The following IGSF21 variants were observed in gnomAD, a reference collection of about 807,000 sequenced individuals.
IGSF21 encodes the protein immunoglobin superfamily member 21.
Under a neutral mutation model 46.8 loss-of-function variants are expected in IGSF21, and 28 were observed. That is an observed-to-expected ratio of 0.60 (90% CI 0.44 to 0.82). IGSF21 has a LOEUF of 0.82. Among genes scored for constraint, IGSF21 ranks in the 40% least tolerant of loss-of-function variants. IGSF21 has a pLI of 0.00. For missense variants in IGSF21, 624 were observed against 665.5 expected (o/e 0.94, Z 0.69); for synonymous variants, 284 against 273.6 (o/e 1.04, Z -0.38).
At chr1:18,195,946 G>T (rs1214893094) in intron 1 of IGSF21, among the ~76,000 whole-genome samples, 4 of 152,248 alleles carry the variant, frequency 2.6e-5, no homozygotes, top group Non-Finnish European at 5.9e-5. Flanking sequence ...GCAGCAGCCA[G>T]CGCAAGTGGC....
chr1:18,373,276 G>A (rs539400875), intron 6 of IGSF21, among the ~76,000 whole-genome samples: 4 of 152,298 alleles, frequency 2.6e-5, no homozygotes, highest in East Asian at 1.9e-4. Context: ...CTTTCTCTAC[G>A]TCCAGGGCTT....
intron 2 of IGSF21, among the ~76,000 whole-genome samples, chr1:18,273,508 CTTTCTTTCT>C (rs2085071170): frequency 7.8e-5 from 5 of 64,360 alleles, no homozygotes; most frequent in African/African-American, 2.8e-4. Context: ...TTCTTTCTTT[CTTTCTTTCT>C]TTCGTCTTTC....
At chr1:18,145,417 T>G (rs763364924) in intron 1 of IGSF21, among the ~76,000 whole-genome samples, 2 of 151,856 alleles carry the variant, frequency 1.3e-5, no homozygotes, top group African/African-American at 4.8e-5. Flanking sequence ...ATGTGAAAAC[T>G]CCGCTGTAAA....
At position 18,225,062 on chromosome 1, in the gene IGSF21, A is replaced by ATCTCTCTCTC. The variant is rs111721151; in HGVS notation, c.71-2821_71-2812dup. Among the ~76,000 whole-genome samples, 34 of 63,780 alleles carry ATCTCTCTCTC rather than the reference A, an allele frequency of 5.3e-4. 3 individuals carry two copies. Among genetic ancestry groups the ATCTCTCTCTC allele is most frequent in the East Asian group, 2.1e-3 (4 of 1,920 alleles). 41.8% of individuals were successfully genotyped at this position (63,780 alleles called of 152,430 possible). A position where few individuals can be genotyped will look rare whatever the true frequency, so the allele number is the denominator to read the frequency against. On this transcript the variant is annotated intron_variant, in intron 1 of 9. Transcript: ENST00000251296. ...CCTGGATGACAGAGTGAGACTCTGTATCTCTCTCTCTCTCTCTCTCTCTCA... is the reference window on the plus strand; with the variant it reads ...CCTGGATGACAGAGTGAGACTCTGTATCTCTCTCTCTCTCTCTCTCTCTCTCTCTCTCTCA...
At chr1:18,355,044 G>A (rs896460445) in intron 4 of IGSF21, among the ~76,000 whole-genome samples, 1 of 152,184 alleles carries the variant, frequency 6.6e-6, no homozygotes, top group Admixed American at 6.5e-5. Context: ...ATGACCACAG[G>A]CATCAACTGA....
At chr1:18,249,617 G>A (rs2084817731) in intron 2 of IGSF21, among the ~76,000 whole-genome samples, 1 of 152,190 alleles carries the variant, frequency 6.6e-6, no homozygotes, top group African/African-American at 2.4e-5. Flanking sequence ...TGCCCCCGTG[G>A]TGTCTCTCAC....
At chr1:18,285,489 C>G (rs2085203952) in intron 2 of IGSF21, among the ~76,000 whole-genome samples, 1 of 152,158 alleles carries the variant, frequency 6.6e-6, no homozygotes, top group African/African-American at 2.4e-5. Flanking sequence ...AGAATCAGAA[C>G]ACTGCGGGCA....
chr1:18,334,420 C>T lies in IGSF21; in HGVS notation c.306-472C>T, dbSNP rs1201285002. On this transcript the variant is annotated intron_variant, in intron 3 of 9. Transcript: ENST00000251296. This position sits in a 1 kb window ranked among gnomAD's most constrained non-coding sequence, Gnocchi z 4.3. Reference sequence around the variant, plus strand: ...ACTGGTTCTTATTAGCAATTGAGTTCCGTCCTGAGCCTCAGTTTCCTTGTT... The same window carrying T: ...ACTGGTTCTTATTAGCAATTGAGTTTCGTCCTGAGCCTCAGTTTCCTTGTT... Among the ~76,000 whole-genome samples, 1 of 152,182 alleles carries T rather than the reference C, an allele frequency of 6.6e-6. No homozygotes were observed. The highest frequency in any genetic ancestry group is 1.5e-5 in the Non-Finnish European group (1 of 68,034).
chr1:18,228,597 A>T (rs933324685), intron 2 of IGSF21, among the ~76,000 whole-genome samples: 1 of 152,114 alleles, frequency 6.6e-6, no homozygotes, highest in South Asian at 2.1e-4. Flanking sequence ...CTTTTCAACC[A>T]CTGAGTGAAA....
chr1:18,325,048 G>A (rs1389399332), intron 3 of IGSF21, among the ~76,000 whole-genome samples: 3 of 152,220 alleles, frequency 2.0e-5, no homozygotes, highest in Non-Finnish European at 4.4e-5. Context: ...GGCTGAGCTC[G>A]AGTGTAGACC....
chr1:18,287,604 TGC>T (rs2085227440), intron 2 of IGSF21, among the ~76,000 whole-genome samples: 1 of 152,202 alleles, frequency 6.6e-6, no homozygotes, highest in Non-Finnish European at 1.5e-5. Flanking sequence ...TTACCTTGTC[TGC>T]CTTGTCACCT....
At chr1:18,370,623 T>C (rs2086215250) in intron 6 of IGSF21, among the ~76,000 whole-genome samples, 1 of 152,118 alleles carries the variant, frequency 6.6e-6, no homozygotes, top group African/African-American at 2.4e-5. Flanking sequence ...TAATCAAAAA[T>C]TAAATCTTCT....
intron 1 of IGSF21, chr1:18,176,138 G>A (rs1570303203): frequency 6.6e-6 from 1 of 152,214 alleles, no homozygotes; most frequent in Admixed American, 6.5e-5. Flanking sequence ...GCCTGGTTGG[G>A]AATCAGGCTT....
chr1:18,305,728 G>A (rs532400940), intron 3 of IGSF21, among the ~76,000 whole-genome samples: 24 of 152,328 alleles, frequency 1.6e-4, no homozygotes, highest in African/African-American at 5.8e-4. Flanking sequence ...ATAAAAGTTG[G>A]TGGACCATTG....
chr1:18,184,361 A>G (rs372061887), intron 1 of IGSF21, among the ~76,000 whole-genome samples: 61 of 148,252 alleles, frequency 4.1e-4, no homozygotes, highest in African/African-American at 1.5e-3. Flanking sequence ...CAGGGCCTCC[A>G]CTCTCTTCAA....
At chr1:18,363,145 G>A (rs780934533) in intron 5 of IGSF21, among the ~76,000 whole-genome samples, 18 of 152,216 alleles carry the variant, frequency 1.2e-4, no homozygotes, top group Non-Finnish European at 2.5e-4. Context: ...AAACCCATTT[G>A]GAGAAAGTTT....
intron 1 of IGSF21, among the ~76,000 whole-genome samples, chr1:18,225,857 G>A (rs186611811): frequency 1.4e-3 from 208 of 152,332 alleles, no homozygotes; most frequent in African/African-American, 4.8e-3. Context: ...CTGTAATAGC[G>A]TGGTGGTTGT....
intron 1 of IGSF21, among the ~76,000 whole-genome samples, chr1:18,150,378 T>C (rs567359501): frequency 6.6e-5 from 10 of 151,526 alleles, no homozygotes; most frequent in African/African-American, 2.4e-4. Flanking sequence ...GACAGTTCAC[T>C]TGTAACAAGG....
intron 1 of IGSF21, among the ~76,000 whole-genome samples, chr1:18,193,942 C>G (rs2086982878): frequency 6.6e-6 from 1 of 152,186 alleles, no homozygotes; most frequent in South Asian, 2.1e-4. Flanking sequence ...TGCTGCCACA[C>G]TTGAGGACAT....
Sources: allele counts gnomAD v4.1 joint callset (sites outside exome capture counted in the v4.1 genomes callset), GRCh38; gene constraint gnomAD v4.1.1; non-coding constraint Gnocchi (gnomAD v3.1); transcripts MANE v1.5; gene names NCBI Gene and HGNC (gene_info 2026-07-23, HGNC 2026-07-21).